Variants in ARFGAP3 observed in about 807,000 individuals in gnomAD.
ARFGAP3 encodes ARF GTPase activating protein 3, also known as ADP-ribosylation factor GTPase-activating protein 3.
ARFGAP3 carries 72 observed loss-of-function variants against 75.0 expected under a neutral mutation model. That is an observed-to-expected ratio of 0.96 (90% CI 0.79 to 1.17). The LOEUF is 1.17. Among genes scored for constraint, ARFGAP3 ranks in the 50% most tolerant of loss-of-function variants. The probability of loss-of-function intolerance (pLI) is 0.00; values close to 1 mark genes in which losing one functional copy is unlikely to be tolerated. For synonymous variants in ARFGAP3, 221 were observed against 217.9 expected (o/e 1.01, Z -0.13); for missense variants, 620 against 626.6 (o/e 0.99, Z 0.11).
rs765402039 is a variant in ARFGAP3 at position 42,797,273 on chromosome 22, C to T, written c.*315G>A. ...CTCCCCCACATGAAGCCTCCTGGTT[C>T]AGGAGCAGGAGGAGCCGAGGTCTCC... On this transcript the variant is annotated 3_prime_UTR_variant, in exon 16 of 16. Coordinates refer to ENST00000263245, the MANE Select transcript of ARFGAP3 (RefSeq NM_014570.5). 2.9e-6 allele frequency: 1 copy of T among 345,720 alleles called. No homozygotes were observed. Among genetic ancestry groups the T allele is most frequent in the Non-Finnish European group, 5.3e-6 (1 of 188,922 alleles). The allele number at this position is 345,720 out of a possible 1,614,324, so 21.4% of individuals were successfully genotyped here. A position where few individuals can be genotyped will look rare whatever the true frequency, so the allele number is the denominator to read the frequency against.
chr22:42,828,224 C>T (rs924502310), intron 6 of ARFGAP3, among the ~76,000 whole-genome samples: 5 of 151,970 alleles, frequency 3.3e-5, no homozygotes, highest in African/African-American at 1.2e-4. Flanking sequence ...AGTTCAAGAT[C>T]AGCCTGGCCA....
chr22:42,841,390 T>C (rs1336668780), intron 2 of ARFGAP3, among the ~76,000 whole-genome samples: 3 of 152,326 alleles, frequency 2.0e-5, no homozygotes, highest in South Asian at 4.1e-4. Flanking sequence ...CTTGTCCAGT[T>C]TGATCGCTAC....
At chr22:42,823,433 G>C (rs1925898316) in intron 8 of ARFGAP3, among the ~76,000 whole-genome samples, 1 of 151,858 alleles carries the variant, frequency 6.6e-6, no homozygotes, top group African/African-American at 2.4e-5. Flanking sequence ...TCAGAATTTT[G>C]TCATAGACAG....
intron 9 of ARFGAP3, among the ~76,000 whole-genome samples, chr22:42,820,307 A>G (rs1925756382): frequency 6.6e-6 from 1 of 152,260 alleles, no homozygotes; most frequent in Non-Finnish European, 1.5e-5. Flanking sequence ...AAGTCAACGT[A>G]AATTTTTGTA....
At chr22:42,836,906 T>C (rs1165923470) in intron 3 of ARFGAP3, among the ~76,000 whole-genome samples, 1 of 152,086 alleles carries the variant, frequency 6.6e-6, no homozygotes, top group African/African-American at 2.4e-5. Flanking sequence ...GGGACAGAGT[T>C]AGGATTCAAA....
chr22:42,841,185 G>A lies in ARFGAP3; in HGVS notation c.189-169C>T, dbSNP rs535294118. On this transcript the variant is annotated intron_variant, in intron 2 of 15. Coordinates refer to ENST00000263245, the MANE Select transcript of ARFGAP3 (RefSeq NM_014570.5). ...TGCTAGGACTCCAGAGTGGATGATG[G>A]TTGGCGTGAGCAACCCCTGGCTCCT... 2.8e-4 allele frequency: 239 copies of A among 849,088 alleles called. No homozygotes were observed. In the African/African-American group the frequency reaches 4.2e-3, roughly 15 times the overall value. The allele number at this position is 849,088 out of a possible 1,614,324, so 52.6% of individuals were successfully genotyped here.
At chr22:42,833,962 G>A (rs1926409003) in intron 5 of ARFGAP3, among the ~76,000 whole-genome samples, 1 of 152,154 alleles carries the variant, frequency 6.6e-6, no homozygotes, top group Non-Finnish European at 1.5e-5. Flanking sequence ...TCTCAAGGAT[G>A]CTTGTCTTTT....
chr22:42,838,050 T>C (rs1172309764), intron 3 of ARFGAP3, among the ~76,000 whole-genome samples: 1 of 151,864 alleles, frequency 6.6e-6, no homozygotes, highest in Non-Finnish European at 1.5e-5. Flanking sequence ...TACAATGGTT[T>C]ATGGCCTTCC....
At chr22:42,835,622 C>T (rs1926488783) in intron 3 of ARFGAP3, 129 bp from the exon 4 acceptor site, 2 of 999,960 alleles carry the variant, frequency 2.0e-6, no homozygotes, top group Non-Finnish European at 2.9e-6. Flanking sequence ...GAGATCAGTA[C>T]CATCCTGGCT....
intron 2 of ARFGAP3, among the ~76,000 whole-genome samples, chr22:42,843,885 C>T (rs183262565): frequency 6.6e-6 from 1 of 152,242 alleles, no homozygotes; most frequent in East Asian, 1.9e-4. Flanking sequence ...ACTCTGGGAG[C>T]AGTCAGCAAC....
At chr22:42,827,812 A>G (rs1011418412) in intron 6 of ARFGAP3, among the ~76,000 whole-genome samples, 2 of 152,166 alleles carry the variant, frequency 1.3e-5, no homozygotes, top group African/African-American at 4.8e-5. Flanking sequence ...AGCCTGGCAC[A>G]GTGGCTCACA....
chr22:42,835,288 T>C (rs1926468293), intron 4 of ARFGAP3, 74 bp downstream of exon 4: 1 of 1,544,416 alleles, frequency 6.5e-7, no homozygotes, highest in Non-Finnish European at 8.8e-7. Flanking sequence ...AGTTTTACTA[T>C]TCAGGATAAA....
chr22:42,850,284 T>C (rs1019271360), intron 1 of ARFGAP3, among the ~76,000 whole-genome samples: 7 of 151,912 alleles, frequency 4.6e-5, no homozygotes, highest in Non-Finnish European at 1.0e-4. Context: ...ACATATTAGA[T>C]ATATAGGCTG....
intron 6 of ARFGAP3, among the ~76,000 whole-genome samples, chr22:42,829,682 T>A (rs956978276): frequency 1.3e-5 from 2 of 152,222 alleles, no homozygotes; most frequent in Non-Finnish European, 2.9e-5. Context: ...CACTTTAAAG[T>A]ATTTTTTCAA....
Position 42,840,987 on chromosome 22 carries a change from C to A in ARFGAP3, c.218G>T (p.Trp73Leu). 6.2e-7 allele frequency: 1 copy of A among 1,614,174 alleles called. No homozygotes were observed. The highest frequency in any genetic ancestry group is 8.5e-7 in the Non-Finnish European group (1 of 1,180,000). Residue 73 changes from tryptophan (W) to leucine (L), a missense_variant, in exon 3 of 16, where the codon TGG (tryptophan) becomes TTG (leucine). Coordinates refer to ENST00000263245, the MANE Select transcript of ARFGAP3 (RefSeq NM_014570.5). ...GACTTGCATGCATCGCAACTGAAAC[C>A]ATGACCAGTTGGAATCCAACTCTGT... ...RSTELDSNWS[W>L]FQLRCMQVGG... is the part of the protein sequence containing the mutation.
At chr22:42,847,044 T>A (rs964419708) in intron 2 of ARFGAP3, among the ~76,000 whole-genome samples, 18 of 152,196 alleles carry the variant, frequency 1.2e-4, no homozygotes, top group African/African-American at 3.9e-4. Context: ...AGGTCTCTCC[T>A]CCTTTTCCTA....
At position 42,796,507 on chromosome 22, in the gene ARFGAP3, G is replaced by C. The variant is rs1924610782; in HGVS notation, c.*1081C>G. 1 of 152,204 alleles carries C rather than the reference G, an allele frequency of 6.6e-6. No homozygotes were observed. The highest frequency in any genetic ancestry group is 2.1e-4 in the South Asian group (1 of 4,826). 9.4% of individuals were successfully genotyped at this position (152,204 alleles called of 1,614,324 possible). On this transcript the variant is annotated 3_prime_UTR_variant, in exon 16 of 16. Coordinates refer to ENST00000263245, the MANE Select transcript of ARFGAP3 (RefSeq NM_014570.5). ...CGATGACTTATTACGAAAGCTTTCAGGGAAAAATGTAGGCAATGCCATCTG... is the reference window on the plus strand; with the variant it reads ...CGATGACTTATTACGAAAGCTTTCACGGAAAAATGTAGGCAATGCCATCTG...
intron 10 of ARFGAP3, 118 bp from the exon 11 acceptor site, chr22:42,817,382 C>G: frequency 7.3e-7 from 1 of 1,372,118 alleles, no homozygotes; most frequent in South Asian, 1.6e-5. Flanking sequence ...GGGTTAAAAA[C>G]ATAAGCAATA....
intron 9 of ARFGAP3, among the ~76,000 whole-genome samples, chr22:42,819,799 ACATAACACT>A (rs1292515040): frequency 6.6e-6 from 1 of 152,242 alleles, no homozygotes; most frequent in Non-Finnish European, 1.5e-5. Context: ...CTAACTTGCA[ACATAACACT>A]CATGTATTAA....
Sources: gnomAD v4.1 joint callset for allele counts (sites outside exome capture counted in the v4.1 genomes callset) on GRCh38, gnomAD v4.1.1 for gene constraint, MANE v1.5 for transcripts, NCBI Gene and HGNC (gene_info 2026-07-23, HGNC 2026-07-21) for gene names.